CYP19A1: variants seen among roughly 807,000 people sequenced by gnomAD.
The protein encoded by CYP19A1 is aromatase.
In CYP19A1, 32 loss-of-function variants were observed where a neutral mutation model predicts 44.4. That is an observed-to-expected ratio of 0.72 (90% confidence interval 0.54 to 0.97). CYP19A1 has a LOEUF of 0.97. CYP19A1 is among the 50% of genes least tolerant of loss of function. The pLI, the probability that CYP19A1 is intolerant of heterozygous loss-of-function variation, is 0.00. For synonymous variants in CYP19A1, 212 were observed against 215.6 expected (o/e 0.98, Z 0.14); for missense variants, 598 against 637.8 (o/e 0.94, Z 0.67).
chr15:51,324,204 G>A (rs1013252072), intron 1 of CYP19A1, among the ~76,000 whole-genome samples: 1 of 152,144 alleles, frequency 6.6e-6, no homozygotes, highest in African/African-American at 2.4e-5. Context: ...CACCCCACCA[G>A]CCCCAAAAAG....
intron 3 of CYP19A1, among the ~76,000 whole-genome samples, chr15:51,235,969 G>A (rs2141103480): frequency 6.6e-6 from 1 of 152,300 alleles, no homozygotes; most frequent in African/African-American, 2.4e-5. Context: ...CGCCATCTTT[G>A]AAATTCTCCA....
At chr15:51,282,568 C>A (rs2035557283) in intron 1 of CYP19A1, among the ~76,000 whole-genome samples, 1 of 152,228 alleles carries the variant, frequency 6.6e-6, no homozygotes, top group Non-Finnish European at 1.5e-5. Context: ...GCCTTCACAG[C>A]CTCCATACTT....
chr15:51,213,136 T>G (rs1411996639), intron 8 of CYP19A1, among the ~76,000 whole-genome samples: 2 of 152,202 alleles, frequency 1.3e-5, no homozygotes, highest in African/African-American at 4.8e-5. Context: ...TCTCTTCTGG[T>G]TACCTGTGCA....
intron 1 of CYP19A1, chr15:51,320,483 ATGGTTAGGTGCCAGG>A (rs1212739682): frequency 6.6e-6 from 1 of 152,262 alleles, no homozygotes; most frequent in East Asian, 1.9e-4. Context: ...AAAACAGCAC[ATGGTTAGGTGCCAGG>A]TGAGTGAGGA....
Position 51,218,488 on chromosome 15 carries a change from GA to G in CYP19A1, c.743+52del, listed in dbSNP as rs1333733093. 10 of 1,567,632 alleles carry G rather than the reference GA, an allele frequency of 6.4e-6. 1 individual carries two copies. Among genetic ancestry groups the G allele is most frequent in the South Asian group, 5.9e-5 (5 of 85,252 alleles). On this transcript the variant is annotated intron_variant, in intron 6 of 9. Coordinates refer to ENST00000396402, the MANE Select transcript of CYP19A1 (RefSeq NM_000103.4). ...CAAGAAAAACAGCAAAGACACAAGGGAAAAAAACCAATCCAATTGTACTCAT... is the reference window on the plus strand; with the variant it reads ...CAAGAAAAACAGCAAAGACACAAGGGAAAAAACCAATCCAATTGTACTCAT...
chr15:51,263,815 C>A (rs1304507171), intron 1 of CYP19A1, among the ~76,000 whole-genome samples: 1 of 152,166 alleles, frequency 6.6e-6, no homozygotes, highest in East Asian at 1.9e-4. Flanking sequence ...TGATTGTGAA[C>A]ATGGAGGGAG....
chr15:51,310,636 G>A (rs942855570), intron 1 of CYP19A1, among the ~76,000 whole-genome samples: 1 of 152,196 alleles, frequency 6.6e-6, no homozygotes, highest in Non-Finnish European at 1.5e-5. Context: ...TCCCTGTTAT[G>A]TCAAAAGTAT....
At position 51,210,995 on chromosome 15, in the gene CYP19A1, A is replaced by G. The variant is rs757098418; in HGVS notation, c.1325T>C (p.Ile442Thr). 9 of 1,595,132 alleles carry G rather than the reference A, an allele frequency of 5.6e-6. No homozygotes were observed. The South Asian group carries it at 9.9e-5, about 18-fold the overall frequency. Residue 442 changes from isoleucine (I) to threonine (T), a missense_variant, in exon 10 of 10, where the codon ATC becomes ACC. Coordinates refer to ENST00000396402, the MANE Select transcript of CYP19A1 (RefSeq NM_000103.4). ...GATGGCTTTCATCATCACCATGGCG[A>G]TGTACTTTCCTGCACAGCCACGGGG... is the stretch of plus-strand genomic sequence containing the variant. ...FGPRGCAGKY[I>T]AMVMMKAILV...
intron 5 of CYP19A1, chr15:51,221,343 A>G (rs2032060564): frequency 6.6e-6 from 1 of 152,208 alleles, no homozygotes; most frequent in Non-Finnish European, 1.5e-5. Context: ...AGAGTAATAC[A>G]TAATATAAAT....
chr15:51,262,969 C>T (rs1233283997), intron 1 of CYP19A1, among the ~76,000 whole-genome samples: 1 of 152,084 alleles, frequency 6.6e-6, no homozygotes, highest in African/African-American at 2.4e-5. Context: ...AATTTCAGTT[C>T]TGTAATGGAA....
intron 1 of CYP19A1, among the ~76,000 whole-genome samples, chr15:51,309,789 A>G (rs1012174119): frequency 1.3e-5 from 2 of 152,232 alleles, no homozygotes; most frequent in Non-Finnish European, 2.9e-5. Flanking sequence ...TCTCAGATCC[A>G]CAAGATGTCT....
intron 1 of CYP19A1, among the ~76,000 whole-genome samples, chr15:51,256,259 G>A (rs1468495458): frequency 6.6e-6 from 1 of 152,210 alleles, no homozygotes; most frequent in Non-Finnish European, 1.5e-5. Context: ...TCTTCAGCAG[G>A]CTTAGCTGTA....
intron 1 of CYP19A1, among the ~76,000 whole-genome samples, chr15:51,295,648 A>G (rs1488342451): frequency 6.6e-6 from 1 of 152,208 alleles, no homozygotes; most frequent in Non-Finnish European, 1.5e-5. Context: ...GTTGAATGGA[A>G]TATAATGGAA....
chr15:51,214,639 G>A lies in CYP19A1; in HGVS notation c.1021+431C>T, dbSNP rs546641221. Among the ~76,000 whole-genome samples, 6 of 152,328 alleles carry A rather than the reference G, an allele frequency of 3.9e-5. No individual in the cohort carries two copies. In the East Asian group the frequency reaches 1.2e-3, roughly 29 times the overall value. ...AAGTCTTTTGTAACTGACAAGGTAG[G>A]CAGAACATTGTATATGATCCCATGT... On this transcript the variant is annotated intron_variant, in intron 8 of 9. Coordinates refer to ENST00000396402, the MANE Select transcript of CYP19A1 (RefSeq NM_000103.4).
chr15:51,284,576 AATG>A (rs1415007430), intron 1 of CYP19A1, among the ~76,000 whole-genome samples: 3 of 152,400 alleles, frequency 2.0e-5, no homozygotes, highest in Admixed American at 1.3e-4. Flanking sequence ...ATAGTAGACA[AATG>A]ATGAGAAATA....
chr15:51,308,358 C>A (rs1352658743), intron 1 of CYP19A1, among the ~76,000 whole-genome samples: 1 of 152,232 alleles, frequency 6.6e-6, no homozygotes, highest in East Asian at 1.9e-4. Context: ...GGAAAATGTC[C>A]TGGGAAATAA....
rs542634914 is a variant in CYP19A1 at position 51,317,580 on chromosome 15, T to C, written c.-39+20915A>G. ...ATACACAGAGATTTGGGCAAGAACA[T>C]TCACCCCCACACAGAATGCAAGAAC... On this transcript the variant is annotated intron_variant, in intron 1 of 9. Coordinates refer to ENST00000396402, the MANE Select transcript of CYP19A1 (RefSeq NM_000103.4). Among the ~76,000 whole-genome samples the C allele has an allele frequency of 2.3e-3, 349 of 152,234 alleles. 2 individuals are homozygous for C. The highest frequency in any genetic ancestry group is 3.3e-3 in the Non-Finnish European group (223 of 68,006).
At chr15:51,266,781 A>G (rs917279315) in intron 1 of CYP19A1, among the ~76,000 whole-genome samples, 1 of 152,188 alleles carries the variant, frequency 6.6e-6, no homozygotes, top group Non-Finnish European at 1.5e-5. Flanking sequence ...AGGGCAGGGC[A>G]CGGAAAGCCT....
chr15:51,332,694 A>T (rs948553919), intron 1 of CYP19A1, among the ~76,000 whole-genome samples: 1 of 152,000 alleles, frequency 6.6e-6, no homozygotes, highest in Non-Finnish European at 1.5e-5. Context: ...ATTCTCAACT[A>T]TGTTTCCTTG....
Sources: allele counts gnomAD v4.1 joint callset (sites outside exome capture counted in the v4.1 genomes callset), GRCh38; gene constraint gnomAD v4.1.1; transcripts MANE v1.5; gene names NCBI Gene and HGNC (gene_info 2026-07-23, HGNC 2026-07-21).